The following SLC10A4 variants were observed in gnomAD, a reference collection of about 807,000 sequenced individuals.
SLC10A4 encodes the protein solute carrier family 10 member 4.
In SLC10A4, 17 loss-of-function variants were observed where a neutral mutation model predicts 22.5. That is an observed-to-expected ratio of 0.76 (90% confidence interval 0.52 to 1.14). The LOEUF (loss-of-function observed/expected upper bound fraction) is 1.14, where lower values mean the gene tolerates loss of function less well. Among genes scored for constraint, SLC10A4 ranks in the 50% most tolerant of loss-of-function variants. SLC10A4 has a pLI of 0.00. For missense variants in SLC10A4, 548 were observed against 584.0 expected (o/e 0.94, Z 0.64); for synonymous variants, 257 against 258.2 (o/e 1.00, Z 0.04).
Position 48,483,683 on chromosome 4 carries a change from G to A in SLC10A4, c.122G>A (p.Ser41Asn), listed in dbSNP as rs1043847312. ...GACCTCGCCCTCGCCCCTGCCTCCAGCGCCGGCCCCGGCCCTGGGCTCAGC... is the reference window on the plus strand; with the variant it reads ...GACCTCGCCCTCGCCCCTGCCTCCAACGCCGGCCCCGGCCCTGGGCTCAGC... ...GTDLALAPAS[S>N]AGPGPGLSLG... The change falls in exon 1 of 3, where the codon AGC becomes AAC. Residue 41 changes from serine (S) to asparagine (N), a missense_variant. By Grantham distance (46) the Ser-to-Asn change is conservative. Transcript: ENST00000273861. This position sits in a 1 kb window ranked among gnomAD's most constrained non-coding sequence, Gnocchi z 5.4. The A allele has an allele frequency of 2.0e-5, 30 of 1,474,456 alleles. No homozygotes were observed. In the African/African-American group the frequency reaches 3.7e-4, roughly 18 times the overall value. The allele number at this position is 1,474,456 out of a possible 1,614,324, so 91.3% of individuals were successfully genotyped here.
intron 2 of SLC10A4, among the ~76,000 whole-genome samples, chr4:48,487,005 C>A (rs541663439): frequency 6.6e-6 from 1 of 152,180 alleles, no homozygotes; most frequent in African/African-American, 2.4e-5. Flanking sequence ...AAGCTGTTCT[C>A]TCTGGCTCTA....
chr4:48,487,788 C>CTTTGTTTTTTTTT (rs1718306249), intron 2 of SLC10A4, among the ~76,000 whole-genome samples: 1 of 39,788 alleles, frequency 2.5e-5, no homozygotes, highest in African/African-American at 1.4e-4. Flanking sequence ...TTTTGAAGAG[C>CTTTGTTTTTTTTT]TTTTTTTTTT....
At position 48,485,088 on chromosome 4, in the gene SLC10A4, G is replaced by C; in HGVS notation, c.747G>C (p.Gly249=). 2 of 1,614,102 alleles carry C rather than the reference G, an allele frequency of 1.2e-6. No homozygotes were observed. The highest frequency in any genetic ancestry group is 1.7e-6 in the Non-Finnish European group (2 of 1,180,028). Residue 249 remains glycine (G), a synonymous_variant, in exon 2 of 3, where the codon GGG becomes GGC. Transcript: ENST00000273861. ...TCTGCAGCACTCTCATACCTATCGG[G>C]TTGGGCGTCTTCATTCGCTACAAAT... ...LTLCSTLIPI[G]LGVFIRYKYS...
At chr4:48,487,971 T>C (rs1378700736) in intron 2 of SLC10A4, among the ~76,000 whole-genome samples, 2 of 151,366 alleles carry the variant, frequency 1.3e-5, no homozygotes, top group Non-Finnish European at 2.9e-5. Context: ...ACCTGGCTAA[T>C]TTTTGTATTT....
Position 48,483,807 on chromosome 4 carries a change from T to C in SLC10A4, c.246T>C (p.Pro82=). 2.6e-6 allele frequency: 4 copies of C among 1,521,828 alleles called. No individual in the cohort carries two copies. The highest frequency in any genetic ancestry group is 3.5e-6 in the Non-Finnish European group (4 of 1,140,052). The allele number at this position is 1,521,828 out of a possible 1,614,324, so 94.3% of individuals were successfully genotyped here. A position where few individuals can be genotyped will look rare whatever the true frequency, so the allele number is the denominator to read the frequency against. Residue 82 remains proline (P), a synonymous_variant, in exon 1 of 3, where the codon CCT becomes CCC. Coordinates refer to ENST00000273861, the MANE Select transcript of SLC10A4 (RefSeq NM_152679.4). The surrounding 1 kb of genome is among the most constrained non-coding windows in gnomAD (Gnocchi z 5.4). ...GLAGGAASHG[P]SPFPRPWAPH... ...CGGGCGGCGCGGCGAGCCACGGCCC[T>C]TCCCCGTTCCCTCGGCCCTGGGCGC...
Position 48,483,958 on chromosome 4 carries a change from G to T in SLC10A4, c.397G>T (p.Val133Phe), listed in dbSNP as rs746027527. 1.3e-6 allele frequency: 2 copies of T among 1,546,618 alleles called. No individual in the cohort carries two copies. Among genetic ancestry groups the T allele is most frequent in the Middle Eastern group, 1.8e-4 (1 of 5,634 alleles). The change falls in exon 1 of 3, where the codon GTC becomes TTC. Residue 133 changes from valine to phenylalanine, a missense_variant. This residue lies in a region of SLC10A4 where 225 missense variants were observed against 206.9 expected (regional missense o/e 1.09). Transcript: ENST00000273861. The surrounding 1 kb of genome is among the most constrained non-coding windows in gnomAD (Gnocchi z 5.4). ...GGACGTGAACCACTTCGGGGCGCAC[G>T]TCCGTCGGCCCGTGGGCGCGCTGCT... is the stretch of plus-strand genomic sequence containing the variant. The part of the protein sequence containing the change: ...TVDVNHFGAH[V>F]RRPVGALLAA...
In SLC10A4 at chr4:48,483,384, G is replaced by A. The variant is rs1577766436; in HGVS notation, c.-178G>A. ...TGCGCGGAGTGCCAGGCTGCGGGCG[G>A]CTGCAGACCTGGGAGCGGAGACCGG... On this transcript the variant is annotated 5_prime_UTR_variant, in exon 1 of 3. Coordinates refer to ENST00000273861, the MANE Select transcript of SLC10A4 (RefSeq NM_152679.4). This position sits in a 1 kb window ranked among gnomAD's most constrained non-coding sequence, Gnocchi z 5.4. 2 of 356,920 alleles carry A rather than the reference G, an allele frequency of 5.6e-6. No homozygotes were observed. Among genetic ancestry groups the A allele is most frequent in the Non-Finnish European group, 9.7e-6 (2 of 206,234 alleles). 22.1% of individuals were successfully genotyped at this position (356,920 alleles called of 1,614,324 possible).
In SLC10A4 at chr4:48,488,832, G is replaced by T. The variant is rs762742741; in HGVS notation, c.1207G>T (p.Asp403Tyr). 2 of 1,613,882 alleles carry T rather than the reference G, an allele frequency of 1.2e-6. No homozygotes were observed. The highest frequency in any genetic ancestry group is 3.3e-5 in the Admixed American group (2 of 60,008). Residue 403 changes from aspartate to tyrosine, a missense_variant, in exon 3 of 3, where the codon GAT becomes TAT. Coordinates refer to ENST00000273861, the MANE Select transcript of SLC10A4 (RefSeq NM_152679.4). ...TCCTCTAGATGAAGATGAAGATACA[G>T]ATATTTCTTATAAAAAACTAAAAGA... ...RDPLDEDEDT[D>Y]ISYKKLKEEE...
rs928298186 is a variant in SLC10A4, at chr4:48,483,480, G to A, written c.-82G>A. On this transcript the variant is annotated 5_prime_UTR_variant, in exon 1 of 3. Coordinates refer to ENST00000273861, the MANE Select transcript of SLC10A4 (RefSeq NM_152679.4). This position sits in a 1 kb window ranked among gnomAD's most constrained non-coding sequence, Gnocchi z 5.4. ...GGGCTCGGAGACCGACGGGCAGAAC[G>A]ACGGGCGGCGACTGCGGCGACCGCG... is the stretch of plus-strand genomic sequence containing the variant. The A allele has an allele frequency of 2.7e-5, 32 of 1,198,050 alleles. No individual in the cohort carries two copies. In the African/African-American group the frequency reaches 3.5e-4, roughly 13 times the overall value. The allele number at this position is 1,198,050 out of a possible 1,614,324, so 74.2% of individuals were successfully genotyped here.
chr4:48,485,136 T>G lies in SLC10A4; in HGVS notation c.795T>G (p.Ile265Met). 6.2e-7 allele frequency: 1 copy of G among 1,614,022 alleles called. No homozygotes were observed. Among genetic ancestry groups the G allele is most frequent in the Non-Finnish European group, 8.5e-7 (1 of 1,179,964 alleles). ...AATACAGCCGGGTGGCTGACTACAT[T>G]GTGAAGGTAAGGCCCCCTCTTCCCT... ...RYKYSRVADY[I>M]VKVSLWSLLV... Residue 265 changes from isoleucine to methionine, a missense_variant, in exon 2 of 3, where the codon ATT becomes ATG. Physicochemically the swap from Ile to Met is conservative, Grantham distance 10 (BLOSUM62 1). Coordinates refer to ENST00000273861, the MANE Select transcript of SLC10A4 (RefSeq NM_152679.4).
intron 2 of SLC10A4, among the ~76,000 whole-genome samples, chr4:48,485,944 CTT>C (rs1186191458): frequency 6.6e-6 from 1 of 152,088 alleles, no homozygotes; most frequent in East Asian, 1.9e-4. Context: ...GAAAAAAAAT[CTT>C]TGCAAAATTA....
In SLC10A4 at chr4:48,484,134, C is replaced by T; in HGVS notation, c.573C>T (p.Asp191=). ...NLSNLMSLLV[D]GDMNLSIIMT... is the part of the protein sequence containing the mutation. ...CCAATCTTATGTCCCTGCTGGTTGACGGCGACATGAACCTCAGGTACGGAT... is the reference window on the plus strand; with the variant it reads ...CCAATCTTATGTCCCTGCTGGTTGATGGCGACATGAACCTCAGGTACGGAT... Residue 191 remains aspartate (D), a synonymous_variant, in exon 1 of 3, where the codon GAC becomes GAT. Coordinates refer to ENST00000273861, the MANE Select transcript of SLC10A4 (RefSeq NM_152679.4). 1 of 1,579,744 alleles carries T rather than the reference C, an allele frequency of 6.3e-7. No individual in the cohort carries two copies. Among genetic ancestry groups the T allele is most frequent in the Non-Finnish European group, 8.6e-7 (1 of 1,160,132 alleles).
chr4:48,483,554 G>T lies in SLC10A4; in HGVS notation c.-8G>T, dbSNP rs1438478369. ...GAGGGGACCGGAATCCGCAGCTCCG[G>T]CCGCGCCATGGACGGCAACGACAAC... On this transcript the variant is annotated 5_prime_UTR_variant, in exon 1 of 3. Coordinates refer to ENST00000273861, the MANE Select transcript of SLC10A4 (RefSeq NM_152679.4). The surrounding 1 kb of genome is among the most constrained non-coding windows in gnomAD (Gnocchi z 5.4). 5 of 1,495,884 alleles carry T rather than the reference G, an allele frequency of 3.3e-6. No homozygotes were observed. In the South Asian group the frequency reaches 5.0e-5, roughly 15 times the overall value. The allele number at this position is 1,495,884 out of a possible 1,614,324, so 92.7% of individuals were successfully genotyped here.
rs559505660 is a variant in SLC10A4, at chr4:48,489,134, G to C, written c.*195G>C. On this transcript the variant is annotated 3_prime_UTR_variant, in exon 3 of 3. Transcript: ENST00000273861. The stretch of plus-strand genomic sequence containing the variant: ...ACAAATCAATGCTGTAATATAATTT[G>C]CACCTGGAATGGCTAACGTGAAGCC... 1.7e-6 allele frequency: 1 copy of C among 596,902 alleles called. No individual in the cohort carries two copies. Among genetic ancestry groups the C allele is most frequent in the Non-Finnish European group, 2.7e-6 (1 of 375,948 alleles). 37.0% of individuals were successfully genotyped at this position (596,902 alleles called of 1,614,324 possible).
intron 1 of SLC10A4, among the ~76,000 whole-genome samples, chr4:48,484,433 G>C (rs1214112019): frequency 6.6e-6 from 1 of 152,248 alleles, no homozygotes; most frequent in Non-Finnish European, 1.5e-5. Flanking sequence ...TCCTCCCCGA[G>C]CGTCGGGGTG....
chr4:48,489,008 A>T lies in SLC10A4; in HGVS notation c.*69A>T. 6.8e-7 allele frequency: 1 copy of T among 1,477,236 alleles called. No homozygotes were observed. Among genetic ancestry groups the T allele is most frequent in the African/African-American group, 1.4e-5 (1 of 70,820 alleles). 91.5% of individuals were successfully genotyped at this position (1,477,236 alleles called of 1,614,324 possible). A position where few individuals can be genotyped will look rare whatever the true frequency, so the allele number is the denominator to read the frequency against. The stretch of plus-strand genomic sequence containing the variant: ...TCATATTTATAGCCTGTGGTAGTGC[A>T]CATGGTTAACATAAAAGATAACACT... On this transcript the variant is annotated 3_prime_UTR_variant, in exon 3 of 3. Coordinates refer to ENST00000273861, the MANE Select transcript of SLC10A4 (RefSeq NM_152679.4).
intron 2 of SLC10A4, among the ~76,000 whole-genome samples, chr4:48,485,947 T>C (rs899319756): frequency 6.6e-6 from 1 of 152,160 alleles, no homozygotes; most frequent in Non-Finnish European, 1.5e-5. Flanking sequence ...AAAAAATCTT[T>C]GCAAAATTAA....
At chr4:48,485,284 AAGTTTATGCTACAAAGAT>A in intron 2 of SLC10A4, 142 bp downstream of exon 2, 3 of 744,564 alleles carry the variant, frequency 4.0e-6, no homozygotes, top group Non-Finnish European at 6.5e-6. Flanking sequence ...TTTTTTTAAA[AAGTTTATGCTACAAAGAT>A]AACTTCCACT....
chr4:48,484,905 G>C, intron 1 of SLC10A4, 27 bp from the exon 2 acceptor site: 1 of 1,601,026 alleles, frequency 6.2e-7, no homozygotes, highest in Non-Finnish European at 8.5e-7. Context: ...AGCTCGTTCT[G>C]ATTTCTGCAC....
Sources: gnomAD v4.1 joint callset for allele counts (sites outside exome capture counted in the v4.1 genomes callset) on GRCh38, gnomAD v4.1.1 for gene constraint, gnomAD v4.1.1 regional missense constraint, Gnocchi (gnomAD v3.1) non-coding constraint, MANE v1.5 for transcripts, NCBI Gene and HGNC (gene_info 2026-07-23, HGNC 2026-07-21) for gene names.